The following CLEC4G variants were observed in gnomAD, a reference collection of about 807,000 sequenced individuals.
CLEC4G encodes the protein C-type lectin superfamily 4, member G.
A neutral mutation model predicts 37.0 loss-of-function variants in CLEC4G; 34 were observed. The ratio of observed to expected loss-of-function variants is 0.92; its 90% CI spans 0.70 to 1.22. CLEC4G has a LOEUF of 1.22. Ranked by LOEUF, CLEC4G falls within the 50% of genes most tolerant of loss-of-function variation. The pLI is 0.00. For synonymous variants in CLEC4G, 167 were observed against 165.6 expected (o/e 1.01, Z -0.06); for missense variants, 390 against 392.9 (o/e 0.99, Z 0.06).
rs535968848 is a variant in CLEC4G, at chr19:7,730,930, C to T, written c.284-71G>A. 1.3e-6 allele frequency: 2 copies of T among 1,489,114 alleles called. No homozygotes were observed. Among genetic ancestry groups the T allele is most frequent in the African/African-American group, 1.4e-5 (1 of 70,490 alleles). The allele number at this position is 1,489,114 out of a possible 1,614,324, so 92.2% of individuals were successfully genotyped here. The stretch of plus-strand genomic sequence containing the variant: ...GGGACTTCGGAGACCAGCCCCCGCC[C>T]CGCACCACCCGCCGCAGGCCTCCGC... On this transcript the variant is annotated intron_variant, in intron 4 of 8. Transcript: ENST00000328853. This position sits in a 1 kb window ranked among gnomAD's most constrained non-coding sequence, Gnocchi z 7.3.
chr19:7,731,722 G>A lies in CLEC4G; in HGVS notation c.105C>T (p.Ala35=), dbSNP rs78770256. 10,200 of 1,614,030 alleles carry A rather than the reference G, an allele frequency of 6.3e-3. 496 individuals are homozygous for A. In the African/African-American group the frequency reaches 0.11, roughly 18 times the overall value. Residue 35 remains alanine, a synonymous_variant, in exon 2 of 9, where the codon GCC becomes GCT. Coordinates refer to ENST00000328853, the MANE Select transcript of CLEC4G (RefSeq NM_198492.4). ...GGACTGTGGTGACCAGGACAGCCAG[G>A]GCCAAGAAGAGGGGTCTCCTGCTCC... is the stretch of plus-strand genomic sequence containing the variant. ...VHWSRRPLFL[A]LAVLVTTVLW... is the part of the protein sequence containing the mutation.
In CLEC4G at chr19:7,729,809, C is replaced by A. The variant is rs746180361; in HGVS notation, c.743+12G>T. 6.2e-7 allele frequency: 1 copy of A among 1,613,942 alleles called. No individual in the cohort carries two copies. Among genetic ancestry groups the A allele is most frequent in the South Asian group, 1.1e-5 (1 of 91,056 alleles). ...CTCCCTCCCCAGGTCTCACCAGGAG[C>A]CTTTCCCTCACCTGAAGCTGAGAGA... On this transcript the variant is annotated intron_variant, in intron 8 of 8. Coordinates refer to ENST00000328853, the MANE Select transcript of CLEC4G (RefSeq NM_198492.4).
rs760711933 is a variant in CLEC4G at position 7,730,079 on chromosome 19, C to G, written c.567G>C (p.Ala189=). 2 of 1,607,056 alleles carry G rather than the reference C, an allele frequency of 1.2e-6. No homozygotes were observed. The highest frequency in any genetic ancestry group is 1.7e-6 in the Non-Finnish European group (2 of 1,177,924). The change falls in exon 7 of 9, where the codon GCG becomes GCC. Residue 189 remains alanine, a synonymous_variant. Transcript: ENST00000328853. This position sits in a 1 kb window ranked among gnomAD's most constrained non-coding sequence, Gnocchi z 7.3. ...FSVPKTTWAA[A]QDHCADASAH... ...CGCTGGCATCTGCGCAGTGATCCTG[C>G]GCCGCCGCCCACGTCGTCTTTGGCA... is the stretch of plus-strand genomic sequence containing the variant.
At chr19:7,729,973 C>T (rs1001253846) in intron 7 of CLEC4G, 37 bp from the exon 8 acceptor site, 1 of 1,609,050 alleles carries the variant, frequency 6.2e-7, no homozygotes, top group Non-Finnish European at 8.5e-7. Flanking sequence ...GCAGAGTCCG[C>T]CCCGCCCTGC....
chr19:7,729,679 C>A, intron 8 of CLEC4G, 142 bp downstream of exon 8: 1 of 1,434,916 alleles, frequency 7.0e-7, no homozygotes, highest in Non-Finnish European at 9.3e-7. Context: ...AGAATTTAAC[C>A]TGAGGACAGT....
At chr19:7,729,551 A>G in intron 8 of CLEC4G, 47 bp from the exon 9 acceptor site, 1 of 1,466,794 alleles carries the variant, frequency 6.8e-7, no homozygotes, top group South Asian at 1.3e-5. Flanking sequence ...TAGACAGAGG[A>G]TGAACTCGGG....
chr19:7,729,670 G>C, intron 8 of CLEC4G, 151 bp downstream of exon 8: 2 of 1,406,576 alleles, frequency 1.4e-6, no homozygotes, highest in Non-Finnish European at 1.9e-6. Flanking sequence ...TTAACGCCCA[G>C]AATTTAACCT....
At chr19:7,729,664 C>T (rs1305975625) in intron 8 of CLEC4G, among the ~76,000 whole-genome samples, 157 bp downstream of exon 8, 2 of 152,102 alleles carry the variant, frequency 1.3e-5, no homozygotes, top group African/African-American at 4.8e-5. Context: ...AACTTTTTAA[C>T]GCCCAGAATT....
rs892953014 is a variant in CLEC4G at position 7,730,337 on chromosome 19, C to G, written c.478+14G>C. ...CGCCCTCACAGCCCGCCCCCGACCC[C>G]CCGTCTCGCTCACTGTTCTGGAGCC... On this transcript the variant is annotated intron_variant, in intron 6 of 8. Coordinates refer to ENST00000328853, the MANE Select transcript of CLEC4G (RefSeq NM_198492.4). The surrounding 1 kb of genome is among the most constrained non-coding windows in gnomAD (Gnocchi z 7.3). The G allele has an allele frequency of 6.3e-7, 1 of 1,596,324 alleles. No individual in the cohort carries two copies. The highest frequency in any genetic ancestry group is 1.7e-5 in the Admixed American group (1 of 58,804).
At position 7,730,683 on chromosome 19, in the gene CLEC4G, C is replaced by T; in HGVS notation, c.388+72G>A. ...GGGGTGCATGATCGGGGTCGGGGGT[C>T]AGCACTCAGGACGGGGTCGGGGTCG... is the stretch of plus-strand genomic sequence containing the variant. On this transcript the variant is annotated intron_variant, in intron 5 of 8. Transcript: ENST00000328853. The surrounding 1 kb of genome is among the most constrained non-coding windows in gnomAD (Gnocchi z 7.3). 2.0e-6 allele frequency: 3 copies of T among 1,484,010 alleles called. No homozygotes were observed. The highest frequency in any genetic ancestry group is 2.7e-6 in the Non-Finnish European group (3 of 1,121,116). 91.9% of individuals were successfully genotyped at this position (1,484,010 alleles called of 1,614,324 possible). A position where few individuals can be genotyped will look rare whatever the true frequency, so the allele number is the denominator to read the frequency against.
Position 7,729,910 on chromosome 19 carries a change from G to C in CLEC4G, c.654C>G (p.Gly218=), listed in dbSNP as rs778992697. Residue 218 remains glycine, a synonymous_variant, in exon 8 of 9, where the codon GGC becomes GGG. Coordinates refer to ENST00000328853, the MANE Select transcript of CLEC4G (RefSeq NM_198492.4). ...EQGFLTRNTR[G]RGYWLGLRAV... ...CCCTCAGGCCCAGCCAGTAACCACG[G>C]CCACGCGTGTTCCGAGTGAGGAAGC... The C allele has an allele frequency of 3.1e-6, 5 of 1,614,138 alleles. No individual in the cohort carries two copies. The Admixed American group carries it at 6.7e-5, about 22-fold the overall frequency.
At position 7,730,973 on chromosome 19, in the gene CLEC4G, C is replaced by T; in HGVS notation, c.283+53G>A. The T allele has an allele frequency of 6.5e-7, 1 of 1,527,298 alleles. No homozygotes were observed. The highest frequency in any genetic ancestry group is 8.8e-7 in the Non-Finnish European group (1 of 1,140,954). The allele number at this position is 1,527,298 out of a possible 1,614,324, so 94.6% of individuals were successfully genotyped here. A position where few individuals can be genotyped will look rare whatever the true frequency, so the allele number is the denominator to read the frequency against. ...GCCTCCGCCCCGGCCCCCCTCCCATCGCGGCCGCAAGACCCCATCCCTGCG... is the reference window on the plus strand; with the variant it reads ...GCCTCCGCCCCGGCCCCCCTCCCATTGCGGCCGCAAGACCCCATCCCTGCG... On this transcript the variant is annotated intron_variant, in intron 4 of 8. Coordinates refer to ENST00000328853, the MANE Select transcript of CLEC4G (RefSeq NM_198492.4). The surrounding 1 kb of genome is among the most constrained non-coding windows in gnomAD (Gnocchi z 7.3).
Position 7,731,062 on chromosome 19 carries a change from C to T in CLEC4G, c.247G>A (p.Ala83Thr), listed in dbSNP as rs2033424129. ...NASKQTAALGALKEEVGDCHS... is the reference protein window; with the variant it reads ...NASKQTAALGTLKEEVGDCHS... The stretch of plus-strand genomic sequence containing the variant: ...CAGTCTCCGACCTCCTCCTTCAGGG[C>T]ACCCAGCGCCGCCGTCTGCTTCGAG... Residue 83 changes from alanine to threonine, a missense_variant, in exon 4 of 9, where the codon GCC (alanine) becomes ACC (threonine). Ala to Thr is a moderately conservative substitution (Grantham distance 58). Coordinates refer to ENST00000328853, the MANE Select transcript of CLEC4G (RefSeq NM_198492.4). 1.2e-6 allele frequency: 2 copies of T among 1,605,802 alleles called. No individual in the cohort carries two copies. Among genetic ancestry groups the T allele is most frequent in the African/African-American group, 1.3e-5 (1 of 74,860 alleles).
Position 7,731,457 on chromosome 19 carries a change from T to C in CLEC4G, c.167-138A>G, listed in dbSNP as rs994470473. 4.7e-6 allele frequency: 7 copies of C among 1,479,430 alleles called. No homozygotes were observed. In the African/African-American group the frequency reaches 7.0e-5, roughly 15 times the overall value. The allele number at this position is 1,479,430 out of a possible 1,614,324, so 91.6% of individuals were successfully genotyped here. A position where few individuals can be genotyped will look rare whatever the true frequency, so the allele number is the denominator to read the frequency against. On this transcript the variant is annotated intron_variant, in intron 2 of 8. Transcript: ENST00000328853. ...CTCACACGATGTGCACACACGCCGA[T>C]GGGAGACAAACGCGCGGGGACTCGC...
chr19:7,731,673 G>A lies in CLEC4G; in HGVS notation c.154C>T (p.Leu52=). The change falls in exon 2 of 9, where the codon CTA becomes TTA. Residue 52 remains leucine (L), a synonymous_variant. Transcript: ENST00000328853. ...TVLWAVILSI[L]LSKASTERAA... ...GAGAGTCACTCACCCTTGGACAATA[G>A]GATACTCAGAATCACAGCCCAAAGG... The A allele has an allele frequency of 1.2e-6, 2 of 1,614,048 alleles. No individual in the cohort carries two copies. Among genetic ancestry groups the A allele is most frequent in the Non-Finnish European group, 1.7e-6 (2 of 1,179,950 alleles).
intron 8 of CLEC4G, 67 bp downstream of exon 8, chr19:7,729,754 C>A (rs957488906): frequency 4.2e-5 from 67 of 1,593,336 alleles, no homozygotes; most frequent in Non-Finnish European, 5.7e-5. Flanking sequence ...TGAGATCTAG[C>A]CAAAGCATGT....
chr19:7,729,252 C>T lies in CLEC4G; in HGVS notation c.*114G>A, dbSNP rs754461055. ...GCCAAGTGTTTCTGAGACTCAGCAG[C>T]GGTGGATGAGGAAGAAAAAACTCTT... On this transcript the variant is annotated 3_prime_UTR_variant, in exon 9 of 9. Coordinates refer to ENST00000328853, the MANE Select transcript of CLEC4G (RefSeq NM_198492.4). 5.2e-6 allele frequency: 4 copies of T among 767,150 alleles called. No individual in the cohort carries two copies. The highest frequency in any genetic ancestry group is 9.3e-6 in the Non-Finnish European group (4 of 429,678). The allele number at this position is 767,150 out of a possible 1,614,324, so 47.5% of individuals were successfully genotyped here.
intron 1 of CLEC4G, 131 bp downstream of exon 1, chr19:7,731,917 G>C: frequency 6.7e-7 from 1 of 1,501,380 alleles, no homozygotes; most frequent in Non-Finnish European, 9.1e-7. Flanking sequence ...ATTGGACCCT[G>C]GTCCAACTGG....
chr19:7,729,959 G>A (rs1250674316), intron 7 of CLEC4G, 23 bp from the exon 8 acceptor site: 1 of 1,613,130 alleles, frequency 6.2e-7, no homozygotes, highest in South Asian at 1.1e-5. Flanking sequence ...GGACATCTGA[G>A]CCTGCAGAGT....
Sources: allele counts gnomAD v4.1 joint callset (sites outside exome capture counted in the v4.1 genomes callset), GRCh38; gene constraint gnomAD v4.1.1; non-coding constraint Gnocchi (gnomAD v3.1); transcripts MANE v1.5; gene names NCBI Gene and HGNC (gene_info 2026-07-23, HGNC 2026-07-21).